The following C1D variants were observed in gnomAD, a reference collection of about 807,000 sequenced individuals.
The protein encoded by C1D is nuclear nucleic acid-binding protein C1D.
In C1D, 10 loss-of-function variants were observed where a neutral mutation model predicts 17.5. The ratio of observed to expected loss-of-function variants is 0.57; its 90% CI spans 0.35 to 0.97. The LOEUF is 0.97. Among genes scored for constraint, C1D ranks in the 50% least tolerant of loss-of-function variants. C1D has a pLI of 0.01. For missense variants in C1D, 136 were observed against 160.1 expected (o/e 0.85, Z 0.81); for synonymous variants, 49 against 54.0 (o/e 0.91, Z 0.40).
intron 1 of C1D, among the ~76,000 whole-genome samples, chr2:68,052,536 T>G (rs970576930): frequency 6.6e-6 from 1 of 152,312 alleles, no homozygotes; most frequent in South Asian, 2.1e-4. Context: ...AAGAACATAG[T>G]AGAGATTTTT....
intron 4 of C1D, among the ~76,000 whole-genome samples, chr2:68,045,786 A>C (rs975704503): frequency 2.6e-5 from 4 of 152,038 alleles, no homozygotes; most frequent in Non-Finnish European, 5.9e-5. Flanking sequence ...ACATTTTCCC[A>C]TTCCGAGATT....
At position 68,062,954 on chromosome 2, in the gene C1D, A is replaced by G. The variant is rs1042839211; in HGVS notation, c.-10+4T>C. 6.6e-6 allele frequency: 1 copy of G among 152,238 alleles called. No homozygotes were observed. Among genetic ancestry groups the G allele is most frequent in the Non-Finnish European group, 1.5e-5 (1 of 68,070 alleles). 9.4% of individuals were successfully genotyped at this position (152,238 alleles called of 1,614,324 possible). Reference sequence around the variant, plus strand: ...AAAACTGAAACTACACCTTAGAAAAATACCTCACGGCCTTCGACTCCAGTC... The same window carrying G: ...AAAACTGAAACTACACCTTAGAAAAGTACCTCACGGCCTTCGACTCCAGTC... On this transcript the variant is annotated splice_donor_region_variant and intron_variant, in intron 1 of 4. Coordinates refer to ENST00000410067, the MANE Select transcript of C1D (RefSeq NM_173177.3).
intron 1 of C1D, among the ~76,000 whole-genome samples, chr2:68,047,654 T>C (rs1384976105): frequency 6.6e-6 from 1 of 152,178 alleles, no homozygotes; most frequent in Non-Finnish European, 1.5e-5. Context: ...TTCCGCCTGC[T>C]GGGCCCAAGC....
At chr2:68,045,191 T>C (rs914984954) in intron 4 of C1D, among the ~76,000 whole-genome samples, 1 of 152,144 alleles carries the variant, frequency 6.6e-6, no homozygotes, top group African/African-American at 2.4e-5. Flanking sequence ...AAGCTGTAAA[T>C]AACATACATA....
chr2:68,052,878 G>A (rs1180013125), intron 1 of C1D, among the ~76,000 whole-genome samples: 2 of 152,098 alleles, frequency 1.3e-5, no homozygotes, highest in African/African-American at 4.8e-5. Context: ...GGATCAAGCA[G>A]TGACTCTACG....
chr2:68,049,876 C>T (rs1671233238), intron 1 of C1D, among the ~76,000 whole-genome samples: 1 of 152,010 alleles, frequency 6.6e-6, no homozygotes, highest in Non-Finnish European at 1.5e-5. Context: ...TAAAAGGATA[C>T]CATAAGCAAA....
intron 1 of C1D, among the ~76,000 whole-genome samples, chr2:68,058,691 T>G (rs1168907887): frequency 6.6e-6 from 1 of 152,130 alleles, no homozygotes; most frequent in Admixed American, 6.5e-5. Flanking sequence ...ACATATAAGG[T>G]TTGTTCCTCC....
intron 2 of C1D, chr2:68,046,668 AG>A: frequency 5.3e-6 from 2 of 380,254 alleles, no homozygotes; most frequent in Non-Finnish European, 9.4e-6. Flanking sequence ...GCATAACCCA[AG>A]AAAAATTCTT....
intron 4 of C1D, among the ~76,000 whole-genome samples, chr2:68,045,245 T>C (rs1357985609): frequency 1.3e-5 from 2 of 152,190 alleles, no homozygotes; most frequent in African/African-American, 4.8e-5. Context: ...ATGTCAAGTG[T>C]ATTTCATATC....
chr2:68,043,887 C>A (rs1008693039), intron 4 of C1D, among the ~76,000 whole-genome samples: 4 of 152,216 alleles, frequency 2.6e-5, no homozygotes, highest in African/African-American at 9.6e-5. Flanking sequence ...CGTCCCATTT[C>A]TGTCTGAATA....
chr2:68,057,483 G>A (rs1671472997), intron 1 of C1D, among the ~76,000 whole-genome samples: 2 of 152,122 alleles, frequency 1.3e-5, no homozygotes, highest in Admixed American at 6.5e-5. Context: ...AAGAAAAAAA[G>A]ATATATGAAT....
At chr2:68,054,234 C>A (rs532565307) in intron 1 of C1D, among the ~76,000 whole-genome samples, 1 of 152,310 alleles carries the variant, frequency 6.6e-6, no homozygotes, top group African/African-American at 2.4e-5. Context: ...AATGCAAGTT[C>A]TCTGACCCTT....
At chr2:68,057,174 CAA>C (rs982017958) in intron 1 of C1D, among the ~76,000 whole-genome samples, 7 of 152,128 alleles carry the variant, frequency 4.6e-5, no homozygotes, top group Non-Finnish European at 8.8e-5. Flanking sequence ...TTATTTGAGT[CAA>C]AGTTTCGTTC....
intron 2 of C1D, chr2:68,046,698 G>A (rs186893693): frequency 6.0e-5 from 20 of 335,978 alleles, no homozygotes; most frequent in African/African-American, 2.8e-4. Flanking sequence ...TTTTAATTTC[G>A]GGAGTTACGA....
chr2:68,060,494 T>G (rs1440464499), intron 1 of C1D, among the ~76,000 whole-genome samples: 1 of 151,908 alleles, frequency 6.6e-6, no homozygotes, highest in African/African-American at 2.4e-5. Context: ...ACACAAAAAA[T>G]TAGCTGGGCA....
At chr2:68,053,522 T>G (rs1250252497) in intron 1 of C1D, among the ~76,000 whole-genome samples, 1 of 152,192 alleles carries the variant, frequency 6.6e-6, no homozygotes, top group African/African-American at 2.4e-5. Context: ...TCAACAGCCT[T>G]TGAGTAGTGT....
At chr2:68,050,601 C>T (rs1046269311) in intron 1 of C1D, among the ~76,000 whole-genome samples, 2 of 152,178 alleles carry the variant, frequency 1.3e-5, no homozygotes, top group African/African-American at 4.8e-5. Flanking sequence ...TGGCTCCTTT[C>T]TTGGTCTCTT....
chr2:68,062,813 G>GT (rs1476229024), intron 1 of C1D, 145 bp downstream of exon 1: 1 of 152,282 alleles, frequency 6.6e-6, no homozygotes. Flanking sequence ...ACGAAGAGCT[G>GT]TGAGAGACTG....
chr2:68,047,579 T>C (rs1285129563), intron 1 of C1D, among the ~76,000 whole-genome samples: 1 of 152,188 alleles, frequency 6.6e-6, no homozygotes, highest in East Asian at 1.9e-4. Context: ...ATTTTTGTTT[T>C]GTTTTGTTTT....
Sources: gnomAD v4.1 joint callset for allele counts (sites outside exome capture counted in the v4.1 genomes callset) on GRCh38, gnomAD v4.1.1 for gene constraint, MANE v1.5 for transcripts, NCBI Gene and HGNC (gene_info 2026-07-23, HGNC 2026-07-21) for gene names.